THAP6: variants seen among roughly 807,000 people sequenced by gnomAD.
The protein encoded by THAP6 is THAP domain containing 6.
A neutral mutation model predicts 20.0 loss-of-function variants in THAP6; 13 were observed. The observed-to-expected ratio is 0.65, with a 90% CI of 0.42 to 1.03. The LOEUF is 1.03. Ranked by LOEUF, THAP6 falls within the 50% of genes least tolerant of loss-of-function variation. The pLI, the probability that THAP6 is intolerant of heterozygous loss-of-function variation, is 0.00. For synonymous variants in THAP6, 93 were observed against 92.2 expected (o/e 1.01, Z -0.05); for missense variants, 262 against 261.6 (o/e 1.00, Z -0.01).
downstream of THAP6, among the ~76,000 whole-genome samples, chr4:75,531,779 CCTT>C (rs1490918911): frequency 1.2e-4 from 17 of 141,202 alleles, no homozygotes; most frequent in Admixed American, 1.0e-3. Context: ...GAGAAACTCC[CCTT>C]TTTTTTTTTT....
At chr4:75,514,579 G>A (rs1228205374) in intron 1 of THAP6, 59 bp downstream of exon 1, 1 of 300,580 alleles carries the variant, frequency 3.3e-6, no homozygotes, top group East Asian at 5.5e-5. Context: ...ATCTCAGGGC[G>A]TAGTTCGGCG....
chr4:75,533,533 G>A (rs1006030125), downstream of THAP6, among the ~76,000 whole-genome samples: 9 of 152,104 alleles, frequency 5.9e-5, no homozygotes, highest in South Asian at 4.2e-4. Context: ...CCCCACTCTC[G>A]GTACCAATTT....
At chr4:75,545,785 C>G (rs2148835499) in intron 3 of THAP6, among the ~76,000 whole-genome samples, 1 of 152,330 alleles carries the variant, frequency 6.6e-6, no homozygotes, top group East Asian at 1.9e-4. Flanking sequence ...CCTAATTGGA[C>G]TTACCAGCAG....
Position 75,519,239 on chromosome 4 carries a change from T to G in THAP6, c.288+2260T>G, listed in dbSNP as rs138863522. Among the ~76,000 whole-genome samples the G allele has an allele frequency of 2.0e-5, 3 of 152,340 alleles. No individual in the cohort carries two copies. In the East Asian group the frequency reaches 5.8e-4, roughly 29 times the overall value. On this transcript the variant is annotated intron_variant, in intron 3 of 4. Transcript: ENST00000311638. ...GTATGGTATTGCATTGTACAATTTC[T>G]TCATTCTACTATTGATAAATGTTTG...
At chr4:75,543,624 G>A (rs1727061709) in intron 3 of THAP6, among the ~76,000 whole-genome samples, 1 of 152,242 alleles carries the variant, frequency 6.6e-6, no homozygotes, top group African/African-American at 2.4e-5. Flanking sequence ...ATGATTGGCA[G>A]TCATAGATTA....
chr4:75,514,512 C>G lies in THAP6; in HGVS notation c.-29C>G, dbSNP rs927790095. The G allele has an allele frequency of 1.9e-6, 1 of 516,422 alleles. No individual in the cohort carries two copies. Among genetic ancestry groups the G allele is most frequent in the East Asian group, 2.9e-5 (1 of 34,266 alleles). 32.0% of individuals were successfully genotyped at this position (516,422 alleles called of 1,614,324 possible). A position where few individuals can be genotyped will look rare whatever the true frequency, so the allele number is the denominator to read the frequency against. On this transcript the variant is annotated 5_prime_UTR_variant, in exon 1 of 5. Transcript: ENST00000311638. ...TCGTTGACGTTAGTCGCAGTCTTCGCTGCTAACGGTAATAACTCTTAGGTT... is the reference window on the plus strand; with the variant it reads ...TCGTTGACGTTAGTCGCAGTCTTCGGTGCTAACGGTAATAACTCTTAGGTT...
intron 1 of THAP6, 199 bp downstream of exon 1, chr4:75,514,719 G>A (rs1725413583): frequency 6.1e-6 from 1 of 162,872 alleles, no homozygotes; most frequent in African/African-American, 2.4e-5. Flanking sequence ...GAAAGGGGCG[G>A]AGCTCGGCCC....
chr4:75,519,623 C>G (rs1244315431), intron 3 of THAP6, among the ~76,000 whole-genome samples: 1 of 152,066 alleles, frequency 6.6e-6, no homozygotes, highest in Non-Finnish European at 1.5e-5. Flanking sequence ...ATGATGATTT[C>G]CAGTTTCATC....
At chr4:75,534,993 G>A (rs1050421397), downstream of THAP6, among the ~76,000 whole-genome samples, 5 of 152,218 alleles carry the variant, frequency 3.3e-5, no homozygotes, top group African/African-American at 9.6e-5. Context: ...AGTCAGTGTG[G>A]TGATTCCTCA....
intron 4 of THAP6, chr4:75,522,688 T>A (rs1726107403): frequency 6.6e-6 from 1 of 152,234 alleles, no homozygotes. Context: ...TGAGAATATG[T>A]AATGTTTGTC....
At chr4:75,514,014 G>A (rs770410354), upstream of THAP6, 21 of 864,252 alleles carry the variant, frequency 2.4e-5, no homozygotes, top group Non-Finnish European at 3.2e-5. Flanking sequence ...AAGCAGGTAG[G>A]AAAGGTGGGG....
chr4:75,546,182 C>G (rs1373836843), intron 3 of THAP6, among the ~76,000 whole-genome samples: 2 of 152,138 alleles, frequency 1.3e-5, no homozygotes, highest in Non-Finnish European at 2.9e-5. Flanking sequence ...CATGTTCAAA[C>G]CACCAGGAAA....
intron 3 of THAP6, among the ~76,000 whole-genome samples, chr4:75,521,120 G>A (rs890516169): frequency 1.0e-4 from 14 of 138,354 alleles, no homozygotes; most frequent in Admixed American, 9.7e-4. Flanking sequence ...TTCTAGTTAC[G>A]GCATGGGTTT....
intron 3 of THAP6, among the ~76,000 whole-genome samples, chr4:75,519,662 C>T (rs1316911364): frequency 1.3e-5 from 2 of 152,050 alleles, no homozygotes; most frequent in Non-Finnish European, 2.9e-5. Flanking sequence ...ATGAACTCAT[C>T]GTTTTTTATG....
intron 2 of THAP6, among the ~76,000 whole-genome samples, chr4:75,536,713 GC>G (rs1275281507): frequency 6.6e-6 from 1 of 152,016 alleles, no homozygotes; most frequent in Non-Finnish European, 1.5e-5. Context: ...TCACCATGTT[GC>G]CCAGGCTGGT....
intron 3 of THAP6, 62 bp from the exon 4 acceptor site, chr4:75,521,674 T>G: frequency 6.8e-7 from 1 of 1,477,284 alleles, no homozygotes; most frequent in Non-Finnish European, 9.1e-7. Context: ...TAAGAAGGAA[T>G]AAAAATTTAA....
At chr4:75,521,468 CTG>C (rs912803413) in intron 3 of THAP6, among the ~76,000 whole-genome samples, 1 of 151,984 alleles carries the variant, frequency 6.6e-6, no homozygotes. Context: ...AAAGAACACA[CTG>C]TTTTAATTAT....
chr4:75,546,399 A>C (rs1560554931), intron 3 of THAP6, among the ~76,000 whole-genome samples: 1 of 152,214 alleles, frequency 6.6e-6, no homozygotes. Flanking sequence ...GTCCTCCCAC[A>C]CATCTCCAGT....
downstream of THAP6, among the ~76,000 whole-genome samples, chr4:75,534,248 A>AATAATACCAC (rs1169119779): frequency 3.9e-5 from 6 of 152,212 alleles, no homozygotes; most frequent in African/African-American, 1.4e-4. Flanking sequence ...AGCCCTCAGA[A>AATAATACCAC]ATAATACCAC....
Sources: gnomAD v4.1 joint callset for allele counts (sites outside exome capture counted in the v4.1 genomes callset) on GRCh38, gnomAD v4.1.1 for gene constraint, MANE v1.5 for transcripts, NCBI Gene and HGNC (gene_info 2026-07-23, HGNC 2026-07-21) for gene names.